The following PKHD1L1 variants were observed in gnomAD, a reference collection of about 807,000 sequenced individuals.
PKHD1L1 encodes fibrocystin-L.
PKHD1L1 carries 434 observed loss-of-function variants against 462.9 expected under a neutral mutation model. The observed-to-expected ratio is 0.94, with a 90% CI of 0.87 to 1.02. The LOEUF (loss-of-function observed/expected upper bound fraction) is 1.02. Ranked by LOEUF, PKHD1L1 falls within the 50% of genes least tolerant of loss-of-function variation. The probability of loss-of-function intolerance (pLI) is 0.00; values close to 1 mark genes in which losing one functional copy is unlikely to be tolerated. For synonymous variants in PKHD1L1, 1,781 were observed against 1,750.0 expected (o/e 1.02, Z -0.44); for missense variants, 5,202 against 5,096.1 (o/e 1.02, Z -0.63).
chr8:109,485,728 A>G (rs1417387498), intron 58 of PKHD1L1, among the ~76,000 whole-genome samples: 1 of 151,928 alleles, frequency 6.6e-6, no homozygotes, highest in Non-Finnish European at 1.5e-5. Context: ...GTGAAAAGTT[A>G]GAAAATCCTT....
At chr8:109,375,596 G>A (rs1432399607) in intron 2 of PKHD1L1, among the ~76,000 whole-genome samples, 2 of 152,132 alleles carry the variant, frequency 1.3e-5, no homozygotes, top group Non-Finnish European at 2.9e-5. Context: ...AGAGTTTCCA[G>A]TTTTTCTGCT....
intron 56 of PKHD1L1, 54 bp downstream of exon 56, chr8:109,481,616 A>ACAGAGCCAAAGACAAAAACC: frequency 6.9e-7 from 1 of 1,446,610 alleles, no homozygotes; most frequent in Non-Finnish European, 9.1e-7. Context: ...ATCTACTTTA[A>ACAGAGCCAAAGACAAAAACC]AATATATGGC....
chr8:109,483,664 A>C (rs988813905), intron 57 of PKHD1L1, among the ~76,000 whole-genome samples: 60 of 150,920 alleles, frequency 4.0e-4, no homozygotes, highest in African/African-American at 1.4e-3. Context: ...TTAGTCATAA[A>C]AGAAAAATAT....
chr8:109,414,014 A>G (rs1357193223), intron 21 of PKHD1L1, among the ~76,000 whole-genome samples: 2 of 152,270 alleles, frequency 1.3e-5, no homozygotes, highest in South Asian at 2.1e-4. Flanking sequence ...AACATAAAGG[A>G]AGAAACAAAA....
rs1176187637 is a variant in PKHD1L1 at position 109,484,989 on chromosome 8, A to C, written c.9577-55A>C. 5.1e-6 allele frequency: 7 copies of C among 1,383,278 alleles called. No individual in the cohort carries two copies. In the African/African-American group the frequency reaches 5.9e-5, roughly 12 times the overall value. The allele number at this position is 1,383,278 out of a possible 1,614,324, so 85.7% of individuals were successfully genotyped here. On this transcript the variant is annotated intron_variant, in intron 57 of 77. Coordinates refer to ENST00000378402, the MANE Select transcript of PKHD1L1 (RefSeq NM_177531.6). ...GAATGATTTAATAATGATATCAAGA[A>C]ATATAAATCTATTTTTAAAATTGTT...
chr8:109,395,123 A>G (rs887083245), intron 10 of PKHD1L1, among the ~76,000 whole-genome samples: 3 of 152,224 alleles, frequency 2.0e-5, no homozygotes, highest in African/African-American at 7.2e-5. Flanking sequence ...TCTAAGTACT[A>G]TATGGTTTCT....
In PKHD1L1 at chr8:109,531,507, G is replaced by T. The variant is rs138253000; in HGVS notation, c.*1417G>T. 8.5e-5 allele frequency among the ~76,000 whole-genome samples: 13 copies of T among 152,196 alleles called. No homozygotes were observed. The East Asian group carries it at 1.5e-3, about 18-fold the overall frequency. ...GGAGGGGGAGAGAGAGATAGATAGA[G>T]AGAGAGAGAAAGCATGAGGTTGCTA... On this transcript the variant is annotated 3_prime_UTR_variant, in exon 78 of 78. Coordinates refer to ENST00000378402, the MANE Select transcript of PKHD1L1 (RefSeq NM_177531.6).
At chr8:109,501,253 A>T (rs181230744) in intron 67 of PKHD1L1, among the ~76,000 whole-genome samples, 1 of 152,210 alleles carries the variant, frequency 6.6e-6, no homozygotes, top group East Asian at 1.9e-4. Flanking sequence ...CATTCTCCAG[A>T]TGCTATATTG....
chr8:109,526,875 T>TGGC lies in PKHD1L1; in HGVS notation c.12577_12579dup (p.Gly4193dup), dbSNP rs1347840672. ...TGCTGGCAGAGTCTGTCTCTAGCAG[T>TGGC]GGCAGCAGCAGCAGCAGCAACAGCA... On this transcript the variant is annotated inframe_insertion, in exon 77 of 78. Coordinates refer to ENST00000378402, the MANE Select transcript of PKHD1L1 (RefSeq NM_177531.6). 3 of 1,607,728 alleles carry TGGC rather than the reference T, an allele frequency of 1.9e-6. No homozygotes were observed. Among genetic ancestry groups the TGGC allele is most frequent in the Non-Finnish European group, 2.5e-6 (3 of 1,177,204 alleles).
Position 109,497,288 on chromosome 8 carries a change from A to T in PKHD1L1, c.10599+16A>T. 1.9e-6 allele frequency: 3 copies of T among 1,608,924 alleles called. No individual in the cohort carries two copies. The highest frequency in any genetic ancestry group is 2.5e-6 in the Non-Finnish European group (3 of 1,177,222). ...ACAAATTAAGGTAAGAAATTAATAC[A>T]GCCACACCATGGAGAAAAAAATAAC... is the stretch of plus-strand genomic sequence containing the variant. On this transcript the variant is annotated intron_variant, in intron 65 of 77. Coordinates refer to ENST00000378402, the MANE Select transcript of PKHD1L1 (RefSeq NM_177531.6).
rs1308270894 is a variant in PKHD1L1, at chr8:109,436,346, C to G, written c.3514C>G (p.Leu1172Val). The G allele has an allele frequency of 6.2e-7, 1 of 1,612,220 alleles. No individual in the cohort carries two copies. The highest frequency in any genetic ancestry group is 8.5e-7 in the Non-Finnish European group (1 of 1,179,488). The part of the protein sequence containing the change: ...PDSGSIAGGT[L>V]LTLSGFGFNE... ...TTGCTTTTCTTATGAAGGTGGTACT[C>G]TACTGACTTTATCTGGATTTGGCTT... Residue 1172 changes from leucine to valine, a missense_variant, in exon 30 of 78, where the codon CTA (leucine) becomes GTA (valine). By Grantham distance (32) the Leu-to-Val change is conservative. This residue lies in a region of PKHD1L1 where 4,497 missense variants were observed against 4,336.8 expected (regional missense o/e 1.04). Transcript: ENST00000378402.
chr8:109,401,524 G>T lies in PKHD1L1; in HGVS notation c.1309G>T (p.Ala437Ser). ...KVRIAYHSAN[A>S]NSYFSSPTQR... ...GAGGATTGCATATCATTCTGCTAAT[G>T]CCAACAGTTATTTTTCCAGTCCAAC... The change falls in exon 14 of 78, where the codon GCC (alanine) becomes TCC (serine). Residue 437 changes from alanine to serine, a missense_variant. By Grantham distance (99) the Ala-to-Ser change is moderately conservative. Around this residue, in one of 3 missense-constraint regions of PKHD1L1, gnomAD observed 4,497 missense variants for 4,336.8 expected, o/e 1.04. Transcript: ENST00000378402. 6.3e-7 allele frequency: 1 copy of T among 1,592,016 alleles called. No homozygotes were observed. The highest frequency in any genetic ancestry group is 1.3e-5 in the African/African-American group (1 of 74,572).
chr8:109,442,282 T>C lies in PKHD1L1; in HGVS notation c.4393+87T>C. ...ATTTTGTGTAGATTTAATACAGTAT[T>C]TTTACATAAATAATATACACAAATG... On this transcript the variant is annotated intron_variant, in intron 35 of 77. Transcript: ENST00000378402. 4.0e-6 allele frequency: 5 copies of C among 1,256,242 alleles called. No homozygotes were observed. The East Asian group carries it at 1.0e-4, about 26-fold the overall frequency. The allele number at this position is 1,256,242 out of a possible 1,614,324, so 77.8% of individuals were successfully genotyped here. A position where few individuals can be genotyped will look rare whatever the true frequency, so the allele number is the denominator to read the frequency against.
intron 21 of PKHD1L1, among the ~76,000 whole-genome samples, chr8:109,416,464 ATGAACAC>A (rs1453911568): frequency 3.3e-5 from 5 of 152,230 alleles, no homozygotes; most frequent in Non-Finnish European, 7.3e-5. Context: ...CTTCCAATCC[ATGAACAC>A]TGAATATATT....
At chr8:109,383,402 C>T (rs191514496) in intron 4 of PKHD1L1, among the ~76,000 whole-genome samples, 1,228 of 104,000 alleles carry the variant, frequency 0.012, 29 homozygotes, top group African/African-American at 0.044. Context: ...TTATATATTA[C>T]GTATAATTAT....
At chr8:109,362,782 G>A in intron 1 of PKHD1L1, 129 bp downstream of exon 1, 2 of 964,550 alleles carry the variant, frequency 2.1e-6, no homozygotes, top group Admixed American at 2.1e-5. Context: ...GTTGCATGAC[G>A]ATCCTGGGGA....
At chr8:109,510,735 G>A (rs374013614) in intron 70 of PKHD1L1, 42 bp from the exon 71 acceptor site, 1 of 1,550,504 alleles carries the variant, frequency 6.4e-7, no homozygotes, top group Non-Finnish European at 8.7e-7. Flanking sequence ...CTAATAAAAT[G>A]TATGATATAG....
intron 77 of PKHD1L1, among the ~76,000 whole-genome samples, chr8:109,528,478 T>C (rs534878183): frequency 6.6e-6 from 1 of 152,240 alleles, no homozygotes; most frequent in South Asian, 2.1e-4. Flanking sequence ...ACTCCCTCCT[T>C]TTACCAAATC....
chr8:109,465,352 A>G, intron 49 of PKHD1L1, 107 bp downstream of exon 49: 1 of 1,175,642 alleles, frequency 8.5e-7, no homozygotes, highest in Non-Finnish European at 1.2e-6. Context: ...ATCTTACCCA[A>G]TAGCAAACTT....
Sources: gnomAD v4.1 joint callset for allele counts (sites outside exome capture counted in the v4.1 genomes callset) on GRCh38, gnomAD v4.1.1 for gene constraint, gnomAD v4.1.1 regional missense constraint, MANE v1.5 for transcripts, NCBI Gene and HGNC (gene_info 2026-07-23, HGNC 2026-07-21) for gene names.